Variants in KRIT1 observed in about 807,000 individuals in gnomAD.
KRIT1 encodes krev interaction trapped protein 1.
Under a neutral mutation model 95.8 loss-of-function variants are expected in KRIT1, and 45 were observed. The observed-to-expected ratio is 0.47, with a 90% confidence interval of 0.37 to 0.60. KRIT1 has a LOEUF of 0.60. Among genes scored for constraint, KRIT1 ranks in the 20% least tolerant of loss-of-function variants. KRIT1 has a pLI of 0.00. For missense variants in KRIT1, 788 were observed against 877.5 expected, an observed-to-expected ratio of 0.90 and a Z score of 1.29; for synonymous variants, 282 against 278.8, an observed-to-expected ratio of 1.01 and a Z score of -0.11.
At chr7:92,231,743 T>C (rs1797337551) in intron 10 of KRIT1, among the ~76,000 whole-genome samples, 2 of 152,190 alleles carry the variant, frequency 1.3e-5, no homozygotes, top group African/African-American at 2.4e-5. Context: ...ACTAATAGTA[T>C]TGCAAGGTGA....
chr7:92,238,343 T>C (rs1002651452), intron 5 of KRIT1, among the ~76,000 whole-genome samples: 7 of 152,228 alleles, frequency 4.6e-5, no homozygotes, highest in African/African-American at 1.2e-4. Flanking sequence ...ACCTTTGTTA[T>C]GCTTTCAATG....
At chr7:92,225,457 G>A (rs1796021351) in intron 12 of KRIT1, among the ~76,000 whole-genome samples, 1 of 151,938 alleles carries the variant, frequency 6.6e-6, no homozygotes, top group South Asian at 2.1e-4. Flanking sequence ...ACAGGTGCAC[G>A]CCACCATGCC....
At chr7:92,235,199 C>T (rs1798159694) in intron 8 of KRIT1, among the ~76,000 whole-genome samples, 1 of 152,050 alleles carries the variant, frequency 6.6e-6, no homozygotes, top group Non-Finnish European at 1.5e-5. Context: ...GAGATTTCAC[C>T]ATGTTGGCCA....
chr7:92,230,830 G>A (rs1797128186), intron 10 of KRIT1, among the ~76,000 whole-genome samples: 1 of 151,846 alleles, frequency 6.6e-6, no homozygotes, highest in African/African-American at 2.4e-5. Flanking sequence ...TGAAAATAGG[G>A]GGCAAAAAGG....
chr7:92,236,135 A>G (rs777804839), intron 7 of KRIT1: 3 of 325,772 alleles, frequency 9.2e-6, no homozygotes, highest in Non-Finnish European at 1.7e-5. Context: ...GAGTAACTCA[A>G]TATTAAATGT....
At chr7:92,235,061 G>A in intron 8 of KRIT1, 138 bp from the exon 9 acceptor site, 1 of 658,542 alleles carries the variant, frequency 1.5e-6, no homozygotes, top group South Asian at 1.7e-5. Context: ...GTTCAGTGCT[G>A]CGATCTCAGC....
At chr7:92,213,620 T>C (rs1470245624) in intron 16 of KRIT1, among the ~76,000 whole-genome samples, 1 of 152,174 alleles carries the variant, frequency 6.6e-6, no homozygotes, top group Non-Finnish European at 1.5e-5. Flanking sequence ...TGGGTTTTAA[T>C]TGCTTCACGG....
intron 10 of KRIT1, 101 bp downstream of exon 10, chr7:92,234,348 G>T: frequency 1.0e-6 from 1 of 960,210 alleles, no homozygotes. Flanking sequence ...AACAGGTAGA[G>T]AAAAAGTATT....
At chr7:92,227,595 T>C (rs1443834054) in intron 10 of KRIT1, among the ~76,000 whole-genome samples, 2 of 152,044 alleles carry the variant, frequency 1.3e-5, no homozygotes, top group Non-Finnish European at 2.9e-5. Flanking sequence ...AGTGCAGTGG[T>C]GCAATCTCAG....
rs761728732 is a variant in KRIT1, at chr7:92,200,458, G to A, written c.*278C>T. On this transcript the variant is annotated 3_prime_UTR_variant, in exon 19 of 19. Transcript: ENST00000394505. ...CAACCTCCACCTCCTGGGTTTAAGC[G>A]ATCTCCCACCTTGGCCTCCCTAGTA... The A allele has an allele frequency of 3.6e-5, 14 of 393,924 alleles. No individual in the cohort carries two copies. Among genetic ancestry groups the A allele is most frequent in the Non-Finnish European group, 5.3e-5 (11 of 208,890 alleles). 24.4% of individuals were successfully genotyped at this position (393,924 alleles called of 1,614,324 possible).
At chr7:92,212,270 CATATA>C (rs998378687) in intron 17 of KRIT1, among the ~76,000 whole-genome samples, 75 of 152,270 alleles carry the variant, frequency 4.9e-4, no homozygotes, top group African/African-American at 1.6e-3. Flanking sequence ...CCTTGTGTCA[CATATA>C]ATATTTTTCT....
chr7:92,217,278 GATATA>G (rs1466416422), intron 14 of KRIT1, among the ~76,000 whole-genome samples: 3 of 152,128 alleles, frequency 2.0e-5, no homozygotes. Flanking sequence ...GGGTAAAACA[GATATA>G]ATATTTGTCA....
chr7:92,227,469 G>C (rs1796425671), intron 10 of KRIT1, among the ~76,000 whole-genome samples: 1 of 152,088 alleles, frequency 6.6e-6, no homozygotes, highest in Non-Finnish European at 1.5e-5. Flanking sequence ...TATAATTCCA[G>C]AAAACAAGAG....
At position 92,234,871 on chromosome 7, in the gene KRIT1, G is replaced by A; in HGVS notation, c.782C>T (p.Ser261Leu). Residue 261 changes from serine to leucine, a missense_variant, in exon 9 of 19, where the codon TCA becomes TTA. Coordinates refer to ENST00000394505, the MANE Select transcript of KRIT1 (RefSeq NM_194454.3). Reference sequence around the variant, plus strand: ...TTCCTGTTTAGGTATTTGGATTTTTGAGTAGTCTGGAGCTCCTAGACCAAA... The same window carrying A: ...TTCCTGTTTAGGTATTTGGATTTTTAAGTAGTCTGGAGCTCCTAGACCAAA... The part of the protein sequence containing the change: ...PYFGLGAPDY[S>L]KIQIPKQEKW... The A allele has an allele frequency of 1.9e-6, 3 of 1,608,316 alleles. No homozygotes were observed. The highest frequency in any genetic ancestry group is 2.6e-6 in the Non-Finnish European group (3 of 1,174,878).
chr7:92,241,612 A>C (rs1257244396), intron 4 of KRIT1, among the ~76,000 whole-genome samples: 1 of 152,244 alleles, frequency 6.6e-6, no homozygotes, highest in Non-Finnish European at 1.5e-5. Flanking sequence ...ACGATTCAAC[A>C]CTACAGAAAA....
chr7:92,226,643 T>G lies in KRIT1; in HGVS notation c.1029A>C (p.Lys343Asn). Residue 343 changes from lysine (K) to asparagine (N), a missense_variant, in exon 11 of 19, where the codon AAA becomes AAC. Physicochemically the swap from Lys to Asn is moderately conservative, Grantham distance 94 (BLOSUM62 0). Transcript: ENST00000394505. ...TTAAAAGGTTTGGATTGCACTTTCC[T>G]TTCTCTAACAATATGCGAGTGGCCT... ...KVEATRILLE[K>N]GKCNPNLLNG... The G allele has an allele frequency of 6.2e-7, 1 of 1,613,646 alleles. No homozygotes were observed. The highest frequency in any genetic ancestry group is 8.5e-7 in the Non-Finnish European group (1 of 1,179,676).
At chr7:92,204,857 C>T (rs1233178158) in intron 17 of KRIT1, among the ~76,000 whole-genome samples, 9 of 152,180 alleles carry the variant, frequency 5.9e-5, no homozygotes, top group African/African-American at 2.2e-4. Flanking sequence ...CTAGAAGAGA[C>T]TTCAAGAAAT....
chr7:92,217,455 T>TA (rs1794221132), intron 14 of KRIT1, among the ~76,000 whole-genome samples: 1 of 152,192 alleles, frequency 6.6e-6, no homozygotes, highest in Non-Finnish European at 1.5e-5. Flanking sequence ...GCACCTCTGA[T>TA]AACCTCCAAT....
chr7:92,212,460 G>A (rs192469637), intron 17 of KRIT1, among the ~76,000 whole-genome samples: 1 of 152,150 alleles, frequency 6.6e-6, no homozygotes, highest in African/African-American at 2.4e-5. Context: ...GGGAGGTAGA[G>A]CCTTTGAGAA....
Sources: allele counts gnomAD v4.1 joint callset (sites outside exome capture counted in the v4.1 genomes callset), GRCh38; gene constraint gnomAD v4.1.1; transcripts MANE v1.5; gene names NCBI Gene and HGNC (gene_info 2026-07-23, HGNC 2026-07-21).